B3GALT1: variants seen among roughly 807,000 people sequenced by gnomAD.
B3GALT1 encodes the protein beta-1,3-galactosyltransferase 1.
Under a neutral mutation model 23.2 loss-of-function variants are expected in B3GALT1, and 10 were observed. The ratio of observed to expected loss-of-function variants is 0.43; its 90% CI spans 0.27 to 0.73. B3GALT1 has a LOEUF of 0.73. Among genes scored for constraint, B3GALT1 ranks in the 30% least tolerant of loss-of-function variants. The pLI, the probability that B3GALT1 is intolerant of heterozygous loss-of-function variation, is 0.21. For missense variants in B3GALT1, 299 were observed against 405.4 expected (o/e 0.74, Z 2.25); for synonymous variants, 156 against 141.5 (o/e 1.10, Z -0.73).
intron 1 of B3GALT1, among the ~76,000 whole-genome samples, chr2:167,378,439 C>A (rs1463757837): frequency 1.3e-5 from 2 of 151,976 alleles, no homozygotes; most frequent in African/African-American, 4.8e-5. Context: ...ACTTTTTCTC[C>A]TTCTCTCTCA....
chr2:167,492,171 A>G (rs747629132), intron 2 of B3GALT1, among the ~76,000 whole-genome samples: 6 of 152,006 alleles, frequency 3.9e-5, no homozygotes, highest in Non-Finnish European at 7.4e-5. Context: ...GCAATCTCTG[A>G]TCTTTTTACT....
intron 4 of B3GALT1, among the ~76,000 whole-genome samples, chr2:167,863,838 T>A (rs371393544): frequency 7.9e-4 from 120 of 152,332 alleles, no homozygotes; most frequent in African/African-American, 2.6e-3. Flanking sequence ...AGACTTCAAA[T>A]TCTCTGTTTT....
chr2:167,590,075 G>A (rs1034477541), intron 2 of B3GALT1, among the ~76,000 whole-genome samples: 21 of 152,188 alleles, frequency 1.4e-4, no homozygotes, highest in South Asian at 4.1e-4. Flanking sequence ...GGCCAGGCGC[G>A]GTGACTCACG....
At chr2:167,542,982 T>A (rs567281248) in intron 2 of B3GALT1, among the ~76,000 whole-genome samples, 2 of 152,210 alleles carry the variant, frequency 1.3e-5, no homozygotes, top group South Asian at 4.1e-4. Flanking sequence ...GTAAATATTC[T>A]TATATGAGAT....
chr2:167,804,065 G>A (rs765646248), intron 3 of B3GALT1, among the ~76,000 whole-genome samples: 3 of 152,104 alleles, frequency 2.0e-5, no homozygotes, highest in Admixed American at 6.5e-5. Flanking sequence ...GCGTGATCTC[G>A]GCACACTGCA....
chr2:167,478,398 G>A (rs2105334759), intron 1 of B3GALT1, among the ~76,000 whole-genome samples: 1 of 152,288 alleles, frequency 6.6e-6, no homozygotes, highest in East Asian at 1.9e-4. Context: ...CCTTGAGGAA[G>A]TCAGTTCCGT....
intron 3 of B3GALT1, among the ~76,000 whole-genome samples, chr2:167,706,373 T>A (rs1451387591): frequency 2.0e-5 from 3 of 152,230 alleles, no homozygotes; most frequent in African/African-American, 7.2e-5. Context: ...GAACCTAATG[T>A]GTATACTCCA....
chr2:167,435,222 A>G (rs1246425414), intron 1 of B3GALT1, among the ~76,000 whole-genome samples: 1 of 151,832 alleles, frequency 6.6e-6, no homozygotes, highest in African/African-American at 2.4e-5. Flanking sequence ...CATAATCACA[A>G]GTATAAATAT....
At chr2:167,532,854 C>CTTTTTTTTTT (rs1173819982) in intron 2 of B3GALT1, among the ~76,000 whole-genome samples, 3 of 96,456 alleles carry the variant, frequency 3.1e-5, no homozygotes, top group African/African-American at 4.2e-5. Context: ...TTTACTGCAT[C>CTTTTTTTTTT]TTTTTTTTTT....
chr2:167,739,691 T>C (rs1300730807), intron 3 of B3GALT1, among the ~76,000 whole-genome samples: 1 of 152,166 alleles, frequency 6.6e-6, no homozygotes, highest in Non-Finnish European at 1.5e-5. Context: ...AAGTTCCCCA[T>C]CATTCCAAAG....
intron 3 of B3GALT1, among the ~76,000 whole-genome samples, chr2:167,671,235 T>C (rs1686320861): frequency 6.6e-6 from 1 of 151,960 alleles, no homozygotes. Flanking sequence ...ATAACCCCCA[T>C]GGAAAAATGT....
At chr2:167,590,527 TA>T (rs1203500098) in intron 2 of B3GALT1, among the ~76,000 whole-genome samples, 4 of 150,880 alleles carry the variant, frequency 2.7e-5, no homozygotes, top group Non-Finnish European at 5.9e-5. Flanking sequence ...TAAAATAAAA[TA>T]GAACCCAAGG....
At chr2:167,669,613 AAG>A (rs1400693497) in intron 3 of B3GALT1, among the ~76,000 whole-genome samples, 2 of 152,244 alleles carry the variant, frequency 1.3e-5, no homozygotes, top group South Asian at 4.1e-4. Flanking sequence ...ATTGAGGAAA[AAG>A]AAATGTATCT....
intron 2 of B3GALT1, among the ~76,000 whole-genome samples, chr2:167,509,338 G>T (rs1299845227): frequency 6.6e-6 from 1 of 152,136 alleles, no homozygotes; most frequent in East Asian, 1.9e-4. Context: ...AGGCACCTTT[G>T]TAGAATCTGG....
At chr2:167,621,947 C>G (rs907185043) in intron 2 of B3GALT1, among the ~76,000 whole-genome samples, 1 of 152,032 alleles carries the variant, frequency 6.6e-6, no homozygotes, top group African/African-American at 2.4e-5. Flanking sequence ...TCAATTAAAC[C>G]GCTTTCCTTT....
At chr2:167,529,918 A>T (rs530783158) in intron 2 of B3GALT1, among the ~76,000 whole-genome samples, 1 of 152,134 alleles carries the variant, frequency 6.6e-6, no homozygotes, top group East Asian at 2.0e-4. Context: ...TAAAAATCAT[A>T]ACTCAGATTA....
At chr2:167,615,295 C>A (rs752741696) in intron 2 of B3GALT1, among the ~76,000 whole-genome samples, 2 of 151,908 alleles carry the variant, frequency 1.3e-5, no homozygotes, top group Non-Finnish European at 2.9e-5. Context: ...AAGACAAATA[C>A]TGTGTGATCT....
chr2:167,398,996 A>G (rs551716085), intron 1 of B3GALT1, among the ~76,000 whole-genome samples: 4 of 152,266 alleles, frequency 2.6e-5, no homozygotes, highest in African/African-American at 9.6e-5. Flanking sequence ...AAAATAATCC[A>G]CAGGGTTCAC....
chr2:167,698,150 C>T (rs949394542), intron 3 of B3GALT1, among the ~76,000 whole-genome samples: 2 of 152,068 alleles, frequency 1.3e-5, no homozygotes, highest in Non-Finnish European at 2.9e-5. Flanking sequence ...CACTTAACCG[C>T]ATGGTTTTGC....
Sources: allele counts gnomAD v4.1 joint callset (sites outside exome capture counted in the v4.1 genomes callset), GRCh38; gene constraint gnomAD v4.1.1; transcripts MANE v1.5; gene names NCBI Gene and HGNC (gene_info 2026-07-23, HGNC 2026-07-21).